Variants in CACNA2D3 observed in about 807,000 individuals in gnomAD.
The protein encoded by CACNA2D3 is voltage-dependent calcium channel subunit alpha-2/delta-3.
Under a neutral mutation model 160.6 loss-of-function variants are expected in CACNA2D3, and 60 were observed. The observed-to-expected ratio is 0.37, with a 90% CI of 0.30 to 0.46. The LOEUF (loss-of-function observed/expected upper bound fraction) is 0.46, where lower values mean the gene tolerates loss of function less well. CACNA2D3 is among the 20% of genes least tolerant of loss of function. The pLI, the probability that CACNA2D3 is intolerant of heterozygous loss-of-function variation, is 1.00. For missense variants in CACNA2D3, 1,205 were observed against 1,365.0 expected (o/e 0.88, Z 1.85); for synonymous variants, 558 against 492.9 (o/e 1.13, Z -1.75).
At chr3:54,486,484 A>C (rs1701017089) in intron 4 of CACNA2D3, among the ~76,000 whole-genome samples, 1 of 152,152 alleles carries the variant, frequency 6.6e-6, no homozygotes, top group African/African-American at 2.4e-5. Flanking sequence ...CAAAAAGGGA[A>C]TGTATTGACT....
intron 5 of CACNA2D3, among the ~76,000 whole-genome samples, chr3:54,549,731 G>A (rs1042746172): frequency 9.2e-5 from 14 of 152,126 alleles, no homozygotes; most frequent in Non-Finnish European, 1.5e-4. Flanking sequence ...ATTGCTACAC[G>A]CATTTGTACA....
At chr3:54,739,827 A>G (rs1701612660) in intron 11 of CACNA2D3, among the ~76,000 whole-genome samples, 2 of 151,746 alleles carry the variant, frequency 1.3e-5, no homozygotes, top group East Asian at 1.9e-4. Flanking sequence ...GTATATATAT[A>G]ACTATTTACA....
rs577687531 is a variant in CACNA2D3 at position 54,323,387 on chromosome 3, G to A, written c.321+2829G>A. Among the ~76,000 whole-genome samples the A allele has an allele frequency of 2.0e-5, 3 of 152,046 alleles. 1 individual carries two copies. The South Asian group carries it at 6.3e-4, about 32-fold the overall frequency. On this transcript the variant is annotated intron_variant, in intron 3 of 37. Transcript: ENST00000474759. ...AATGCACCACTGTGAGACAAGGTGGGGTCCTTTCCCATGCCACCCACTGGG... is the reference window on the plus strand; with the variant it reads ...AATGCACCACTGTGAGACAAGGTGGAGTCCTTTCCCATGCCACCCACTGGG...
intron 9 of CACNA2D3, among the ~76,000 whole-genome samples, chr3:54,582,102 T>C (rs948787742): frequency 6.6e-6 from 1 of 152,252 alleles, no homozygotes; most frequent in African/African-American, 2.4e-5. Flanking sequence ...CATTCACTTA[T>C]TGTCCTTGTG....
intron 9 of CACNA2D3, among the ~76,000 whole-genome samples, chr3:54,584,758 A>T (rs1408412420): frequency 6.6e-6 from 1 of 152,200 alleles, no homozygotes; most frequent in East Asian, 1.9e-4. Flanking sequence ...ACAAGAAAAA[A>T]ATCTAGAAAC....
At chr3:54,436,433 T>G (rs2359794) in intron 4 of CACNA2D3, among the ~76,000 whole-genome samples, 74,737 of 152,112 alleles carry the variant, frequency 0.49, 19,056 homozygotes, top group East Asian at 0.61. Flanking sequence ...ACTGGGTATA[T>G]ACCCAAAGGA....
intron 9 of CACNA2D3, among the ~76,000 whole-genome samples, chr3:54,605,280 C>G (rs557875469): frequency 1.3e-5 from 2 of 152,300 alleles, no homozygotes; most frequent in African/African-American, 2.4e-5. Context: ...TTCAGTGTAT[C>G]TTTTGTGGGG....
intron 2 of CACNA2D3, among the ~76,000 whole-genome samples, chr3:54,161,859 G>A (rs577095854): frequency 2.0e-5 from 3 of 152,292 alleles, no homozygotes; most frequent in East Asian, 3.9e-4. Context: ...ACAAAACAGC[G>A]ATGATTGCTC....
intron 4 of CACNA2D3, among the ~76,000 whole-genome samples, chr3:54,418,657 T>C (rs1699794008): frequency 6.6e-6 from 1 of 152,204 alleles, no homozygotes; most frequent in Non-Finnish European, 1.5e-5. Flanking sequence ...GAATCTTGGC[T>C]TTTTTTCTCA....
intron 2 of CACNA2D3, among the ~76,000 whole-genome samples, chr3:54,160,196 C>T (rs1700317698): frequency 6.6e-6 from 1 of 152,194 alleles, no homozygotes. Flanking sequence ...CTCCCTAGGT[C>T]CATTAAATCA....
chr3:54,662,169 C>T (rs974390703), intron 11 of CACNA2D3, among the ~76,000 whole-genome samples: 2 of 150,164 alleles, frequency 1.3e-5, no homozygotes, highest in African/African-American at 2.5e-5. Flanking sequence ...TCTGTGTGTG[C>T]GTTTGTGTGT....
At chr3:54,637,897 C>T (rs1699414014) in intron 10 of CACNA2D3, 2 of 152,026 alleles carry the variant, frequency 1.3e-5, no homozygotes, top group African/African-American at 4.8e-5. Context: ...GAATCCCGGG[C>T]TGCGGGCGTT....
intron 27 of CACNA2D3, among the ~76,000 whole-genome samples, chr3:54,944,814 G>GTGTGT (rs1553925008): frequency 1.4e-4 from 16 of 111,410 alleles, no homozygotes; most frequent in African/African-American, 6.5e-4. Context: ...TAGAGCTGGG[G>GTGTGT]GTGTGTGTGT....
intron 35 of CACNA2D3, among the ~76,000 whole-genome samples, chr3:55,021,270 A>G (rs1023189881): frequency 2.0e-5 from 3 of 151,846 alleles, no homozygotes; most frequent in Admixed American, 2.0e-4. Context: ...GTTTCATCTC[A>G]TTTTTCGAGG....
At chr3:54,782,030 C>G (rs962423450) in intron 13 of CACNA2D3, among the ~76,000 whole-genome samples, 3 of 152,162 alleles carry the variant, frequency 2.0e-5, no homozygotes, top group African/African-American at 7.2e-5. Flanking sequence ...CATATTGAAC[C>G]AATCCACAGA....
intron 11 of CACNA2D3, among the ~76,000 whole-genome samples, chr3:54,744,229 TC>T (rs1701706589): frequency 6.6e-6 from 1 of 152,170 alleles, no homozygotes; most frequent in Admixed American, 6.5e-5. Flanking sequence ...ATGAACTTTC[TC>T]AGTTTGGTGA....
chr3:54,792,831 T>C (rs1317607419), intron 13 of CACNA2D3, among the ~76,000 whole-genome samples: 2 of 152,044 alleles, frequency 1.3e-5, no homozygotes, highest in East Asian at 1.9e-4. Flanking sequence ...TACCCTTGGA[T>C]TTAAGGGAAG....
chr3:54,517,975 C>T (rs556340679), intron 5 of CACNA2D3, among the ~76,000 whole-genome samples: 12 of 152,324 alleles, frequency 7.9e-5, no homozygotes, highest in African/African-American at 2.9e-4. Context: ...CTCAGGACCC[C>T]TGGTGCTTGG....
chr3:54,422,663 AATG>A lies in CACNA2D3; in HGVS notation c.381+35910_381+35912del, dbSNP rs539482855. Reference sequence around the variant, plus strand: ...TTTAACAATCAGTTGGCAAAATAATAATGATGATGATGATGATGATGATATCAA... The same window carrying A: ...TTTAACAATCAGTTGGCAAAATAATAATGATGATGATGATGATGATATCAA... On this transcript the variant is annotated intron_variant, in intron 4 of 37. Coordinates refer to ENST00000474759, the MANE Select transcript of CACNA2D3 (RefSeq NM_018398.3). Among the ~76,000 whole-genome samples, 152 of 152,034 alleles carry A rather than the reference AATG, an allele frequency of 1.0e-3. 1 individual carries two copies. Among genetic ancestry groups the A allele is most frequent in the African/African-American group, 3.1e-3 (127 of 41,444 alleles).
Sources: gnomAD v4.1 joint callset for allele counts (sites outside exome capture counted in the v4.1 genomes callset) on GRCh38, gnomAD v4.1.1 for gene constraint, MANE v1.5 for transcripts, NCBI Gene and HGNC (gene_info 2026-07-23, HGNC 2026-07-21) for gene names.